USH2A: variants seen among roughly 807,000 people sequenced by gnomAD.
USH2A encodes the protein Usher syndrome 2A (autosomal recessive, mild).
USH2A carries 443 observed loss-of-function variants against 538.9 expected under a neutral mutation model. The ratio of observed to expected loss-of-function variants is 0.82; its 90% CI spans 0.76 to 0.89. The LOEUF (loss-of-function observed/expected upper bound fraction) is 0.89, where lower values mean the gene tolerates loss of function less well. USH2A is among the 40% of genes least tolerant of loss of function. USH2A has a pLI of 0.00. For synonymous variants in USH2A, 2,413 were observed against 2,273.5 expected (o/e 1.06, Z -1.75); for missense variants, 6,633 against 6,324.8 (o/e 1.05, Z -1.65).
chr1:215,799,987 A>G (rs1392723327), intron 49 of USH2A, among the ~76,000 whole-genome samples: 1 of 152,074 alleles, frequency 6.6e-6, no homozygotes, highest in Non-Finnish European at 1.5e-5. Context: ...TAAAAAACAA[A>G]AACAAACAAA....
intron 43 of USH2A, among the ~76,000 whole-genome samples, chr1:215,871,079 A>C (rs1664613732): frequency 6.6e-6 from 1 of 152,156 alleles, no homozygotes; most frequent in Admixed American, 6.5e-5. Context: ...AGCCAGTAAA[A>C]CCAATTGTTT....
At chr1:216,350,124 A>C (rs1242376525) in intron 4 of USH2A, among the ~76,000 whole-genome samples, 3 of 152,078 alleles carry the variant, frequency 2.0e-5, no homozygotes, top group Non-Finnish European at 4.4e-5. Context: ...CACACTTTAA[A>C]ATAACCAGAT....
At chr1:215,902,467 C>T (rs1226197299) in intron 38 of USH2A, among the ~76,000 whole-genome samples, 2 of 152,122 alleles carry the variant, frequency 1.3e-5, no homozygotes, top group African/African-American at 4.8e-5. Context: ...GGAAGAAGAA[C>T]AGCACTGAAT....
At chr1:216,226,719 G>A (rs575532655) in intron 14 of USH2A, among the ~76,000 whole-genome samples, 1 of 152,176 alleles carries the variant, frequency 6.6e-6, no homozygotes, top group Admixed American at 6.5e-5. Context: ...CAGTAATCTT[G>A]TCCTTTATTC....
intron 32 of USH2A, among the ~76,000 whole-genome samples, chr1:216,012,531 A>G (rs1356048403): frequency 6.6e-6 from 1 of 152,094 alleles, no homozygotes; most frequent in Non-Finnish European, 1.5e-5. Flanking sequence ...ATAATTCCTC[A>G]GTTTAGCCTT....
At chr1:215,750,819 G>C (rs913833846) in intron 58 of USH2A, among the ~76,000 whole-genome samples, 1 of 151,992 alleles carries the variant, frequency 6.6e-6, no homozygotes, top group Admixed American at 6.6e-5. Context: ...TTTTTCATTA[G>C]TAAAATGAGC....
intron 11 of USH2A, among the ~76,000 whole-genome samples, chr1:216,280,525 A>G (rs1484492446): frequency 6.6e-6 from 1 of 152,172 alleles, no homozygotes; most frequent in Non-Finnish European, 1.5e-5. Context: ...CAAGGATTCC[A>G]TGTTAGTTAT....
chr1:215,770,016 C>T (rs1661234834), intron 55 of USH2A, among the ~76,000 whole-genome samples: 1 of 152,156 alleles, frequency 6.6e-6, no homozygotes, highest in East Asian at 1.9e-4. Flanking sequence ...TACTTAGGCT[C>T]ATTTCAAATG....
rs1438412209 is a variant in USH2A, at chr1:215,970,679, T to C, written c.6903A>G (p.Leu2301=). The change falls in exon 36 of 72, where the codon TTA becomes TTG. Residue 2301 remains leucine (L), a synonymous_variant. Coordinates refer to ENST00000307340, the MANE Select transcript of USH2A (RefSeq NM_206933.4). ...TGCATGCTTGGACTCTGAAGGAATGTAAACTCCAAGGAGCAAATCCGTAAG... is the reference window on the plus strand; with the variant it reads ...TGCATGCTTGGACTCTGAAGGAATGCAAACTCCAAGGAGCAAATCCGTAAG... The part of the protein sequence containing the change: ...YRAYGFAPWS[L]HSFRVQACTA... 1 of 1,613,734 alleles carries C rather than the reference T, an allele frequency of 6.2e-7. No individual in the cohort carries two copies. Among genetic ancestry groups the C allele is most frequent in the Admixed American group, 1.7e-5 (1 of 59,948 alleles).
At chr1:216,208,156 C>T (rs996005397) in intron 15 of USH2A, among the ~76,000 whole-genome samples, 1 of 151,870 alleles carries the variant, frequency 6.6e-6, no homozygotes, top group East Asian at 1.9e-4. Flanking sequence ...TCTTAGTCTC[C>T]CTGCTTTTGA....
chr1:216,213,621 T>A (rs2035287660), intron 15 of USH2A, among the ~76,000 whole-genome samples: 1 of 152,028 alleles, frequency 6.6e-6, no homozygotes, highest in African/African-American at 2.4e-5. Flanking sequence ...TGTAAATGTT[T>A]AAGTATAAAA....
chr1:216,309,403 ATGT>A (rs1368495894), intron 9 of USH2A, among the ~76,000 whole-genome samples: 1 of 152,146 alleles, frequency 6.6e-6, no homozygotes, highest in Admixed American at 6.6e-5. Flanking sequence ...CAATAGGTGG[ATGT>A]TGTTTTCTCT....
rs139615336 is a variant in USH2A at position 216,371,531 on chromosome 1, A to C, written c.652-6446T>G. 2.2e-4 allele frequency among the ~76,000 whole-genome samples: 34 copies of C among 152,310 alleles called. No homozygotes were observed. The East Asian group carries it at 6.4e-3, about 29-fold the overall frequency. Reference sequence around the variant, plus strand: ...ATACTGTCTTTTTTTTCCTGCTTACATCAACAGCTAATTCACATCTACTCA... The same window carrying C: ...ATACTGTCTTTTTTTTCCTGCTTACCTCAACAGCTAATTCACATCTACTCA... On this transcript the variant is annotated intron_variant, in intron 3 of 71. Transcript: ENST00000307340.
intron 58 of USH2A, among the ~76,000 whole-genome samples, chr1:215,744,261 GC>G (rs1236308928): frequency 6.6e-6 from 1 of 152,188 alleles, no homozygotes; most frequent in Non-Finnish European, 1.5e-5. Context: ...GAGACTTATG[GC>G]CCTAAATACA....
intron 30 of USH2A, among the ~76,000 whole-genome samples, chr1:216,067,321 C>T (rs952674763): frequency 4.0e-5 from 6 of 151,642 alleles, no homozygotes; most frequent in Non-Finnish European, 5.9e-5. Flanking sequence ...ATGTAGATGC[C>T]GGGTTGATGG....
intron 41 of USH2A, among the ~76,000 whole-genome samples, chr1:215,879,755 A>G (rs1202986042): frequency 6.6e-6 from 1 of 152,226 alleles, no homozygotes; most frequent in Non-Finnish European, 1.5e-5. Context: ...AGAAGAAAGA[A>G]CAACATTTTG....
chr1:216,175,181 G>C (rs2034350513), intron 21 of USH2A, 71 bp downstream of exon 21: 1 of 1,599,610 alleles, frequency 6.3e-7, no homozygotes, highest in South Asian at 1.1e-5. Flanking sequence ...TCATTGTAAA[G>C]GGATATGAAA....
rs11120603 is a variant in USH2A at position 215,692,222 on chromosome 1, G to A, written c.12067-11846C>T. ...GGACAGAAACCTGGTTGGAGTGGGT[G>A]GAAGGGAGAACAGATGTGTAGAGGT... On this transcript the variant is annotated intron_variant, in intron 61 of 71. Transcript: ENST00000307340. Among the ~76,000 whole-genome samples the A allele has an allele frequency of 6.0e-3, 916 of 152,164 alleles. 12 individuals carry two copies. Among genetic ancestry groups the A allele is most frequent in the African/African-American group, 0.02 (840 of 41,516 alleles).
At chr1:216,139,050 C>A (rs1196890892) in intron 21 of USH2A, among the ~76,000 whole-genome samples, 1 of 151,922 alleles carries the variant, frequency 6.6e-6, no homozygotes, top group Admixed American at 6.6e-5. Flanking sequence ...TCAGTGACAC[C>A]ATTCCTGTTT....
Sources: allele counts gnomAD v4.1 joint callset (sites outside exome capture counted in the v4.1 genomes callset), GRCh38; gene constraint gnomAD v4.1.1; transcripts MANE v1.5; gene names NCBI Gene and HGNC (gene_info 2026-07-23, HGNC 2026-07-21).